The following MYO3B variants were observed in gnomAD, a reference collection of about 807,000 sequenced individuals.
The protein encoded by MYO3B is myosin IIIB.
A neutral mutation model predicts 174.6 loss-of-function variants in MYO3B; 156 were observed. The observed-to-expected ratio is 0.89, with a 90% CI of 0.78 to 1.02. The LOEUF (loss-of-function observed/expected upper bound fraction) is 1.02. Among genes scored for constraint, MYO3B ranks in the 50% least tolerant of loss-of-function variants. MYO3B has a pLI of 0.00. For synonymous variants in MYO3B, 563 were observed against 569.1 expected, an observed-to-expected ratio of 0.99 and a Z score of 0.15; for missense variants, 1,632 against 1,639.4, an observed-to-expected ratio of 1.00 and a Z score of 0.08.
intron 29 of MYO3B, among the ~76,000 whole-genome samples, chr2:170,517,425 G>A (rs1343722315): frequency 6.6e-6 from 1 of 152,128 alleles, no homozygotes; most frequent in Non-Finnish European, 1.5e-5. Flanking sequence ...CATAAGGAGA[G>A]TCCCAAACCA....
chr2:170,558,162 A>G (rs369772189), intron 32 of MYO3B, among the ~76,000 whole-genome samples: 14 of 152,192 alleles, frequency 9.2e-5, no homozygotes, highest in Admixed American at 2.0e-4. Context: ...TTAGCCGAGC[A>G]TGGTGGCGGG....
At chr2:170,462,672 G>A (rs1684366399) in intron 23 of MYO3B, among the ~76,000 whole-genome samples, 1 of 152,276 alleles carries the variant, frequency 6.6e-6, no homozygotes. Flanking sequence ...AGTGCTAAAT[G>A]CCACTCATGC....
In MYO3B at chr2:170,387,188, A is replaced by G. The variant is rs1206252671; in HGVS notation, c.1457A>G (p.Asn486Ser). 1.2e-5 allele frequency: 20 copies of G among 1,614,174 alleles called. No homozygotes were observed. The highest frequency in any genetic ancestry group is 2.2e-5 in the East Asian group (1 of 44,882). ...EAFGNSCTAINDNSSRFGKYL... is the reference protein window; with the variant it reads ...EAFGNSCTAISDNSSRFGKYL... ...TTTGGGAACTCATGCACTGCCATCAATGACAACTCGAGCCGTTTTGGAAAA... is the reference window on the plus strand; with the variant it reads ...TTTGGGAACTCATGCACTGCCATCAGTGACAACTCGAGCCGTTTTGGAAAA... Residue 486 changes from asparagine to serine, a missense_variant, in exon 14 of 35, where the codon AAT (asparagine) becomes AGT (serine). Coordinates refer to ENST00000408978, the MANE Select transcript of MYO3B (RefSeq NM_138995.5).
rs1171991120 is a variant in MYO3B at position 170,199,303 on chromosome 2, T to C, written c.98T>C (p.Ile33Thr). The C allele has an allele frequency of 1.9e-6, 3 of 1,613,446 alleles. No homozygotes were observed. Among genetic ancestry groups the C allele is most frequent in the African/African-American group, 2.7e-5 (2 of 74,884 alleles). ...GACACCTGGGAAATTATAGAGACCATTGGTAAAGGCACCTATGGCAAAGTC... is the reference window on the plus strand; with the variant it reads ...GACACCTGGGAAATTATAGAGACCACTGGTAAAGGCACCTATGGCAAAGTC... ...PTDTWEIIET[I>T]GKGTYGKVYK... The change falls in exon 2 of 35, where the codon ATT (isoleucine) becomes ACT (threonine). Residue 33 changes from isoleucine to threonine, a missense_variant. Transcript: ENST00000408978.
chr2:170,341,192 TTTGGGGTG>T (rs2093974712), intron 8 of MYO3B: 1 of 152,186 alleles, frequency 6.6e-6, no homozygotes, highest in Non-Finnish European at 1.5e-5. Context: ...AGCTAACCAT[TTTGGGGTG>T]GTTGTTTGCT....
At chr2:170,383,247 C>A in intron 11 of MYO3B, 58 bp downstream of exon 11, 4 of 1,027,498 alleles carry the variant, frequency 3.9e-6, no homozygotes, top group South Asian at 2.8e-5. Context: ...CTCACAAGGG[C>A]AAATGAAGAG....
intron 7 of MYO3B, among the ~76,000 whole-genome samples, chr2:170,292,889 C>A (rs2093605150): frequency 6.6e-6 from 1 of 152,162 alleles, no homozygotes; most frequent in Non-Finnish European, 1.5e-5. Context: ...CAGTATGATG[C>A]TTCCAGTGGG....
intron 32 of MYO3B, among the ~76,000 whole-genome samples, chr2:170,597,445 A>G (rs1400522760): frequency 6.6e-6 from 1 of 151,584 alleles, no homozygotes; most frequent in Non-Finnish European, 1.5e-5. Context: ...CCAAGCAAGG[A>G]GCTGTGGAGG....
intron 8 of MYO3B, among the ~76,000 whole-genome samples, chr2:170,355,144 G>A (rs1199433592): frequency 6.6e-6 from 1 of 152,212 alleles, no homozygotes; most frequent in East Asian, 1.9e-4. Flanking sequence ...CAGGAGAGAT[G>A]ACAGGTGACA....
chr2:170,180,942 CCTTTTTT>C (rs1363150381), intron 1 of MYO3B, among the ~76,000 whole-genome samples: 1 of 152,118 alleles, frequency 6.6e-6, no homozygotes, highest in East Asian at 1.9e-4. Flanking sequence ...AGAAAATTTA[CCTTTTTT>C]CTTTTTGGTG....
intron 32 of MYO3B, chr2:170,641,283 TC>T (rs1339929552): frequency 2.6e-5 from 4 of 152,228 alleles, no homozygotes; most frequent in African/African-American, 9.6e-5. Context: ...TATTAAATTG[TC>T]AGACTTTTTC....
chr2:170,551,659 T>C (rs914370983), intron 32 of MYO3B, among the ~76,000 whole-genome samples: 5 of 151,792 alleles, frequency 3.3e-5, no homozygotes, highest in African/African-American at 1.2e-4. Context: ...AGATTATAGT[T>C]GTCTTAATCC....
At chr2:170,486,907 A>C (rs1686103186) in intron 25 of MYO3B, among the ~76,000 whole-genome samples, 1 of 152,220 alleles carries the variant, frequency 6.6e-6, no homozygotes, top group African/African-American at 2.4e-5. Flanking sequence ...TTTACTGAAC[A>C]AATCATTTCC....
intron 6 of MYO3B, among the ~76,000 whole-genome samples, chr2:170,235,651 G>A (rs1306646160): frequency 6.6e-6 from 1 of 152,240 alleles, no homozygotes; most frequent in African/African-American, 2.4e-5. Context: ...AGCTGGTAAT[G>A]AGGTGAAGGA....
chr2:170,218,789 CATT>C (rs201393552), intron 6 of MYO3B, among the ~76,000 whole-genome samples: 2 of 152,042 alleles, frequency 1.3e-5, no homozygotes, highest in African/African-American at 2.4e-5. Flanking sequence ...CTCCTTCTCC[CATT>C]ATTATTATTA....
intron 32 of MYO3B, among the ~76,000 whole-genome samples, chr2:170,582,712 C>G (rs956626216): frequency 6.6e-6 from 1 of 152,126 alleles, no homozygotes; most frequent in African/African-American, 2.4e-5. Flanking sequence ...GTTGTTGCTC[C>G]TAGTTCCCCT....
At chr2:170,549,403 G>C (rs962769573) in intron 32 of MYO3B, among the ~76,000 whole-genome samples, 84 of 152,262 alleles carry the variant, frequency 5.5e-4, no homozygotes, top group African/African-American at 1.8e-3. Flanking sequence ...GTGGAACCTG[G>C]CATCAGGCAT....
intron 32 of MYO3B, among the ~76,000 whole-genome samples, chr2:170,582,000 C>A (rs568420646): frequency 6.6e-6 from 1 of 152,286 alleles, no homozygotes; most frequent in East Asian, 1.9e-4. Context: ...GGGATATACA[C>A]CAAGATTGGA....
intron 22 of MYO3B, among the ~76,000 whole-genome samples, chr2:170,433,660 C>A (rs773365323): frequency 5.3e-5 from 8 of 152,204 alleles, no homozygotes; most frequent in Non-Finnish European, 8.8e-5. Context: ...GACATGTAAG[C>A]ATGAGCCTCT....
Sources: allele counts gnomAD v4.1 joint callset (sites outside exome capture counted in the v4.1 genomes callset), GRCh38; gene constraint gnomAD v4.1.1; transcripts MANE v1.5; gene names NCBI Gene and HGNC (gene_info 2026-07-23, HGNC 2026-07-21).